CHCHD6: variants seen among roughly 807,000 people sequenced by gnomAD.
CHCHD6 encodes coiled-coil-helix-coiled-coil-helix domain containing 6.
A neutral mutation model predicts 32.3 loss-of-function variants in CHCHD6; 28 were observed. The ratio of observed to expected loss-of-function variants is 0.87; its 90% CI spans 0.64 to 1.19. The LOEUF (loss-of-function observed/expected upper bound fraction) is 1.19. Ranked by LOEUF, CHCHD6 falls within the 50% of genes most tolerant of loss-of-function variation. The pLI is 0.00. For missense variants in CHCHD6, 333 were observed against 307.0 expected, an observed-to-expected ratio of 1.08 and a Z score of -0.63; for synonymous variants, 122 against 117.5, an observed-to-expected ratio of 1.04 and a Z score of -0.25.
At position 126,931,807 on chromosome 3, in the gene CHCHD6, G is replaced by C. The variant is rs147167708; in HGVS notation, c.566+17057G>C. On this transcript the variant is annotated intron_variant, in intron 6 of 7. Coordinates refer to ENST00000290913, the MANE Select transcript of CHCHD6 (RefSeq NM_032343.3). ...CAAAATACCAGCTTACAGGCCCCTG[G>C]TGTATTCTGCACTTGAAAAGAGGGG... Among the ~76,000 whole-genome samples, 318 of 152,252 alleles carry C rather than the reference G, an allele frequency of 2.1e-3. 1 individual carries two copies. Among genetic ancestry groups the C allele is most frequent in the African/African-American group, 7.4e-3 (306 of 41,548 alleles).
intron 4 of CHCHD6, among the ~76,000 whole-genome samples, chr3:126,780,938 G>A (rs966929042): frequency 2.6e-5 from 4 of 152,142 alleles, no homozygotes; most frequent in African/African-American, 9.7e-5. Flanking sequence ...ATGGTCACAA[G>A]GCATCCAGTC....
intron 5 of CHCHD6, among the ~76,000 whole-genome samples, chr3:126,912,615 C>T (rs1442328066): frequency 1.3e-5 from 2 of 152,182 alleles, no homozygotes; most frequent in Non-Finnish European, 2.9e-5. Flanking sequence ...CTAAGCTCAC[C>T]AGGCAGTGGA....
chr3:126,885,249 T>G (rs1247093880), intron 5 of CHCHD6, among the ~76,000 whole-genome samples: 1 of 152,216 alleles, frequency 6.6e-6, no homozygotes, highest in Admixed American at 6.5e-5. Context: ...TTTGAATACT[T>G]GGTGTCAGGG....
At chr3:126,864,287 C>G (rs1942143707) in intron 5 of CHCHD6, among the ~76,000 whole-genome samples, 1 of 151,294 alleles carries the variant, frequency 6.6e-6, no homozygotes, top group South Asian at 2.1e-4. Flanking sequence ...CCTCCTCCTC[C>G]ATCACCACCA....
intron 1 of CHCHD6, among the ~76,000 whole-genome samples, chr3:126,722,511 G>A (rs796335018): frequency 6.6e-5 from 10 of 152,210 alleles, no homozygotes; most frequent in African/African-American, 2.4e-4. Flanking sequence ...GTGTGATGTG[G>A]TACCTTATTG....
At chr3:126,777,275 G>C (rs1285933501) in intron 4 of CHCHD6, among the ~76,000 whole-genome samples, 3 of 152,078 alleles carry the variant, frequency 2.0e-5, no homozygotes, top group Non-Finnish European at 2.9e-5. Context: ...AAACTACCCA[G>C]GCATACATTT....
intron 6 of CHCHD6, among the ~76,000 whole-genome samples, chr3:126,944,920 T>C (rs1226782903): frequency 6.6e-6 from 1 of 152,200 alleles, no homozygotes; most frequent in African/African-American, 2.4e-5. Context: ...TGGCCTTGCC[T>C]CTAGGCCTTG....
At chr3:126,742,243 G>A (rs1576361458) in intron 4 of CHCHD6, among the ~76,000 whole-genome samples, 1 of 152,204 alleles carries the variant, frequency 6.6e-6, no homozygotes. Context: ...TGCAGCAGCG[G>A]TAGCCACAGC....
At chr3:126,926,872 A>G (rs555490196) in intron 6 of CHCHD6, among the ~76,000 whole-genome samples, 12 of 152,284 alleles carry the variant, frequency 7.9e-5, no homozygotes, top group Middle Eastern at 6.8e-3. Flanking sequence ...TGACTCACCC[A>G]TTGCACAGAT....
chr3:126,834,053 C>CAAAAAAA (rs55790919), intron 4 of CHCHD6, among the ~76,000 whole-genome samples: 45 of 44,374 alleles, frequency 1.0e-3, no homozygotes, highest in African/African-American at 1.4e-3. Context: ...GACTCCGTCT[C>CAAAAAAA]AAAAAAAAAA....
intron 4 of CHCHD6, among the ~76,000 whole-genome samples, chr3:126,745,644 T>A (rs1461908680): frequency 1.3e-5 from 2 of 152,198 alleles, no homozygotes; most frequent in Admixed American, 1.3e-4. Context: ...ACCAGGTTGC[T>A]AATGTTCTAA....
chr3:126,704,258 TTGCTC>T lies in CHCHD6; in HGVS notation c.-52_-48del. The stretch of plus-strand genomic sequence containing the variant: ...GTCCTGGAAAGCGTTGTTGGCCCGG[TTGCTC>T]TGGAGCCGGGTCTCGGGTCTGGTGG... On this transcript the variant is annotated 5_prime_UTR_variant, in exon 1 of 8. Coordinates refer to ENST00000290913, the MANE Select transcript of CHCHD6 (RefSeq NM_032343.3). 5 of 1,434,146 alleles carry T rather than the reference TTGCTC, an allele frequency of 3.5e-6. No homozygotes were observed. The highest frequency in any genetic ancestry group is 4.9e-6 in the Non-Finnish European group (5 of 1,030,536). The allele number at this position is 1,434,146 out of a possible 1,614,324, so 88.8% of individuals were successfully genotyped here. A position where few individuals can be genotyped will look rare whatever the true frequency, so the allele number is the denominator to read the frequency against.
intron 4 of CHCHD6, among the ~76,000 whole-genome samples, chr3:126,784,545 G>C (rs1333705897): frequency 1.3e-5 from 2 of 152,036 alleles, no homozygotes; most frequent in Non-Finnish European, 2.9e-5. Context: ...TAGACTACCT[G>C]GTGTACTCCA....
At chr3:126,732,078 CAAAAAAA>C (rs57722271) in intron 3 of CHCHD6, among the ~76,000 whole-genome samples, 37 of 75,874 alleles carry the variant, frequency 4.9e-4, no homozygotes, top group Admixed American at 4.0e-3. Context: ...GACCCAAAAC[CAAAAAAA>C]AAAAAAAAAA....
intron 5 of CHCHD6, among the ~76,000 whole-genome samples, chr3:126,913,020 C>G (rs1559918699): frequency 6.6e-6 from 1 of 152,126 alleles, no homozygotes. Context: ...AGCTGTGTGC[C>G]TGGTGGGCGG....
At chr3:126,866,158 G>A (rs960629463) in intron 5 of CHCHD6, among the ~76,000 whole-genome samples, 20 of 152,100 alleles carry the variant, frequency 1.3e-4, no homozygotes, top group East Asian at 3.8e-4. Flanking sequence ...TTCTGATCTC[G>A]TAGGGTAGTT....
intron 5 of CHCHD6, among the ~76,000 whole-genome samples, chr3:126,857,760 G>A (rs947132259): frequency 2.2e-4 from 33 of 152,236 alleles, no homozygotes; most frequent in Non-Finnish European, 5.9e-5. Context: ...TGATACCATT[G>A]CACACTCGGA....
intron 6 of CHCHD6, among the ~76,000 whole-genome samples, chr3:126,928,120 C>T (rs1457213577): frequency 6.6e-6 from 1 of 152,240 alleles, no homozygotes; most frequent in Non-Finnish European, 1.5e-5. Flanking sequence ...GCAGCAGCTC[C>T]AGGCTGCGAT....
intron 4 of CHCHD6, among the ~76,000 whole-genome samples, chr3:126,810,557 AGGATTG>A (rs769216370): frequency 6.6e-6 from 1 of 152,238 alleles, no homozygotes; most frequent in Non-Finnish European, 1.5e-5. Flanking sequence ...TGTGACACCT[AGGATTG>A]GGTACTAGAA....
Sources: allele counts gnomAD v4.1 joint callset (sites outside exome capture counted in the v4.1 genomes callset), GRCh38; gene constraint gnomAD v4.1.1; transcripts MANE v1.5; gene names NCBI Gene and HGNC (gene_info 2026-07-23, HGNC 2026-07-21).